The following ZNF521 variants were observed in gnomAD, a reference collection of about 807,000 sequenced individuals.
ZNF521 encodes LYST-interacting protein 3.
ZNF521 carries 14 observed loss-of-function variants against 105.5 expected under a neutral mutation model. The observed-to-expected ratio is 0.13, with a 90% CI of 0.09 to 0.21. ZNF521 has a LOEUF of 0.21. ZNF521 is among the 10% of genes least tolerant of loss of function. ZNF521 has a pLI of 1.00. For missense variants in ZNF521, 1,233 were observed against 1,629.7 expected, an observed-to-expected ratio of 0.76 and a Z score of 4.19; for synonymous variants, 635 against 606.0, an observed-to-expected ratio of 1.05 and a Z score of -0.70.
chr18:25,221,900 T>C (rs1905748172), intron 4 of ZNF521, among the ~76,000 whole-genome samples: 1 of 152,134 alleles, frequency 6.6e-6, no homozygotes, highest in African/African-American at 2.4e-5. Flanking sequence ...ATTTAGATAA[T>C]TTTCTATATT....
At chr18:25,237,568 A>C (rs1347631056) in intron 3 of ZNF521, among the ~76,000 whole-genome samples, 1 of 152,200 alleles carries the variant, frequency 6.6e-6, no homozygotes, top group Non-Finnish European at 1.5e-5. Context: ...GCCTCCATCC[A>C]AGATACTTTA....
intron 5 of ZNF521, among the ~76,000 whole-genome samples, chr18:25,180,315 A>G (rs2035610315): frequency 6.6e-6 from 1 of 152,218 alleles, no homozygotes; most frequent in Non-Finnish European, 1.5e-5. Flanking sequence ...TACTATTCCC[A>G]GGTTTCCAAC....
intron 7 of ZNF521, among the ~76,000 whole-genome samples, chr18:25,076,392 G>A (rs2033362762): frequency 6.6e-6 from 1 of 152,158 alleles, no homozygotes; most frequent in Admixed American, 6.5e-5. Flanking sequence ...TCCACGCAAT[G>A]GATGTGAAAC....
intron 5 of ZNF521, among the ~76,000 whole-genome samples, chr18:25,095,513 C>T (rs138046393): frequency 4.6e-5 from 7 of 152,198 alleles, no homozygotes; most frequent in East Asian, 3.9e-4. Flanking sequence ...GATCTTCGAA[C>T]GAAACTTCTA....
intron 7 of ZNF521, among the ~76,000 whole-genome samples, chr18:25,083,008 C>T (rs1311363496): frequency 6.6e-6 from 1 of 152,036 alleles, no homozygotes; most frequent in Admixed American, 6.6e-5. Context: ...GGATTTCAGC[C>T]TCGCTTGGAG....
intron 5 of ZNF521, among the ~76,000 whole-genome samples, chr18:25,155,098 A>G (rs1382862736): frequency 6.6e-6 from 1 of 152,032 alleles, no homozygotes; most frequent in Non-Finnish European, 1.5e-5. Context: ...GTGTGAGGTG[A>G]TATCTCATAG....
intron 3 of ZNF521, among the ~76,000 whole-genome samples, chr18:25,263,112 A>G (rs1331892737): frequency 6.6e-6 from 1 of 152,214 alleles, no homozygotes; most frequent in Non-Finnish European, 1.5e-5. Flanking sequence ...CTATGTTCTC[A>G]CAAATTCCAA....
chr18:25,221,558 G>A (rs1244116363), intron 4 of ZNF521, among the ~76,000 whole-genome samples: 1 of 152,122 alleles, frequency 6.6e-6, no homozygotes, highest in African/African-American at 2.4e-5. Context: ...CACTTCTGGA[G>A]TCTCAAGCCT....
At chr18:25,082,155 A>G (rs77631205) in intron 7 of ZNF521, among the ~76,000 whole-genome samples, 7,241 of 152,296 alleles carry the variant, frequency 0.048, 213 homozygotes, top group Non-Finnish European at 0.061. Context: ...AGGCCCACAA[A>G]GCAAAGAAAT....
At chr18:25,316,673 C>G (rs553999016) in intron 3 of ZNF521, among the ~76,000 whole-genome samples, 6 of 152,086 alleles carry the variant, frequency 3.9e-5, no homozygotes, top group Non-Finnish European at 8.8e-5. Flanking sequence ...AAACATGGAT[C>G]GTTCCTGATT....
chr18:25,066,053 C>G (rs1458055204), intron 7 of ZNF521, among the ~76,000 whole-genome samples: 1 of 152,152 alleles, frequency 6.6e-6, no homozygotes, highest in Non-Finnish European at 1.5e-5. Flanking sequence ...TAATATCAAC[C>G]TAAGAAATCT....
intron 3 of ZNF521, among the ~76,000 whole-genome samples, chr18:25,254,894 T>C (rs981859789): frequency 6.6e-6 from 1 of 152,002 alleles, no homozygotes; most frequent in Non-Finnish European, 1.5e-5. Context: ...GTCTGAAAAA[T>C]GAACTAGCGC....
intron 2 of ZNF521, among the ~76,000 whole-genome samples, chr18:25,325,297 C>T (rs1197940586): frequency 1.3e-5 from 2 of 152,210 alleles, no homozygotes; most frequent in Non-Finnish European, 2.9e-5. Context: ...TCAACCATTT[C>T]TTTCCCACAG....
chr18:25,168,116 G>C (rs1376419237), intron 5 of ZNF521, among the ~76,000 whole-genome samples: 1 of 152,134 alleles, frequency 6.6e-6, no homozygotes, highest in African/African-American at 2.4e-5. Context: ...GTGATTTAGT[G>C]CTCTGCATTA....
At chr18:25,262,714 C>A (rs1908993769) in intron 3 of ZNF521, among the ~76,000 whole-genome samples, 1 of 152,124 alleles carries the variant, frequency 6.6e-6, no homozygotes, top group African/African-American at 2.4e-5. Flanking sequence ...ATACCTGGCT[C>A]AAAGAGACAG....
Position 25,225,150 on chromosome 18 carries a change from G to C in ZNF521, c.2768C>G (p.Ala923Gly), listed in dbSNP as rs1906021830. Reference sequence around the variant, plus strand: ...CTTGTAATTCCCTTTAATGAGCTCAGCTTTCTTTTTCACGATGGCACTTTC... The same window carrying C: ...CTTGTAATTCCCTTTAATGAGCTCACCTTTCTTTTTCACGATGGCACTTTC... ...PGESAIVKKK[A>G]ELIKGNYKCN... The change falls in exon 4 of 8, where the codon GCT (alanine) becomes GGT (glycine). Residue 923 changes from alanine to glycine, a missense_variant. Coordinates refer to ENST00000361524, the MANE Select transcript of ZNF521 (RefSeq NM_015461.3). The surrounding 1 kb of genome is among the most constrained non-coding windows in gnomAD (Gnocchi z 5.6). 6.2e-7 allele frequency: 1 copy of C among 1,614,008 alleles called. No homozygotes were observed. Among genetic ancestry groups the C allele is most frequent in the Non-Finnish European group, 8.5e-7 (1 of 1,180,026 alleles).
At chr18:25,181,789 T>A (rs192851200) in intron 5 of ZNF521, among the ~76,000 whole-genome samples, 1 of 152,294 alleles carries the variant, frequency 6.6e-6, no homozygotes, top group Admixed American at 6.5e-5. Flanking sequence ...TAGACACTGG[T>A]ACCGAAAAAG....
rs116522879 is a variant in ZNF521, at chr18:25,062,735, T to C, written c.3913A>G (p.Thr1305Ala). ...CACTAACTGCTGTGTTGGGTCATTG[T>C]ATGATTCTGTAAATAACAAAAAAAA... ...FFFQTELQNH[T>A]MTQHSS The change falls in exon 8 of 8, where the codon ACA becomes GCA. Residue 1305 changes from threonine (T) to alanine (A), a missense_variant. Physicochemically the swap from Thr to Ala is moderately conservative, Grantham distance 58 (BLOSUM62 0). Coordinates refer to ENST00000361524, the MANE Select transcript of ZNF521 (RefSeq NM_015461.3). The C allele has an allele frequency of 7.3e-7, 1 of 1,374,428 alleles. No individual in the cohort carries two copies. 85.1% of individuals were successfully genotyped at this position (1,374,428 alleles called of 1,614,324 possible). A position where few individuals can be genotyped will look rare whatever the true frequency, so the allele number is the denominator to read the frequency against.
chr18:25,217,117 G>A (rs183766202), intron 4 of ZNF521, among the ~76,000 whole-genome samples: 426 of 152,202 alleles, frequency 2.8e-3, no homozygotes, highest in African/African-American at 1.0e-2. Context: ...CTGGTGAGGC[G>A]TTGGGGTTCA....
Sources: gnomAD v4.1 joint callset for allele counts (sites outside exome capture counted in the v4.1 genomes callset) on GRCh38, gnomAD v4.1.1 for gene constraint, Gnocchi (gnomAD v3.1) non-coding constraint, MANE v1.5 for transcripts, NCBI Gene and HGNC (gene_info 2026-07-23, HGNC 2026-07-21) for gene names.